Variants in PCDH15 observed in about 807,000 individuals in gnomAD.
PCDH15 encodes protocadherin-15.
In PCDH15, 129 loss-of-function variants were observed where a neutral mutation model predicts 178.5. That is an observed-to-expected ratio of 0.72 (90% CI 0.63 to 0.84). The LOEUF is 0.84. Ranked by LOEUF, PCDH15 falls within the 40% of genes least tolerant of loss-of-function variation. The pLI is 0.00. For missense variants in PCDH15, 2,230 were observed against 2,099.9 expected (o/e 1.06, Z -1.21); for synonymous variants, 800 against 732.0 (o/e 1.09, Z -1.50).
chr10:55,056,917 A>C (rs1841321795), intron 2 of PCDH15, among the ~76,000 whole-genome samples: 1 of 152,112 alleles, frequency 6.6e-6, no homozygotes. Flanking sequence ...TACAGGCATG[A>C]GCCACCCCGC....
intron 2 of PCDH15, among the ~76,000 whole-genome samples, chr10:55,445,220 G>T (rs1489682341): frequency 1.3e-5 from 2 of 152,136 alleles, no homozygotes; most frequent in African/African-American, 4.8e-5. Context: ...TAATGAGGCA[G>T]AAACGTCTGT....
chr10:54,541,904 A>C (rs902478017), intron 2 of PCDH15, among the ~76,000 whole-genome samples: 7 of 152,202 alleles, frequency 4.6e-5, no homozygotes, highest in African/African-American at 1.7e-4. Flanking sequence ...CAACAGAGAG[A>C]TTCTTAATAA....
At chr10:55,041,941 T>C (rs1262562351) in intron 2 of PCDH15, among the ~76,000 whole-genome samples, 4 of 152,146 alleles carry the variant, frequency 2.6e-5, no homozygotes, top group Non-Finnish European at 5.9e-5. Flanking sequence ...GACTGTCTCA[T>C]TTAACTGAAC....
At chr10:55,236,488 A>C (rs1343284065) in intron 1 of PCDH15, among the ~76,000 whole-genome samples, 1 of 152,096 alleles carries the variant, frequency 6.6e-6, no homozygotes, top group Non-Finnish European at 1.5e-5. Flanking sequence ...GGAAGTGTGC[A>C]TTTAATGAGA....
chr10:54,270,094 A>C (rs2057951775), intron 8 of PCDH15, among the ~76,000 whole-genome samples: 1 of 152,028 alleles, frequency 6.6e-6, no homozygotes, highest in Non-Finnish European at 1.5e-5. Flanking sequence ...GTAGTCATTT[A>C]TCTTTTGTTT....
intron 8 of PCDH15, among the ~76,000 whole-genome samples, chr10:54,277,370 C>T (rs75025034): frequency 0.01 from 1,582 of 151,494 alleles, 26 homozygotes; most frequent in African/African-American, 0.036. Flanking sequence ...ATACATCTTC[C>T]GCAGTGACAG....
At chr10:53,897,562 C>A (rs1025601451) in intron 26 of PCDH15, among the ~76,000 whole-genome samples, 1 of 150,868 alleles carries the variant, frequency 6.6e-6, no homozygotes, top group African/African-American at 2.4e-5. Flanking sequence ...ATTTCAACCA[C>A]TTTTCAGTGT....
intron 21 of PCDH15, among the ~76,000 whole-genome samples, chr10:53,981,975 A>G: frequency 6.6e-6 from 1 of 152,146 alleles, no homozygotes; most frequent in Non-Finnish European, 1.5e-5. Flanking sequence ...ATTTACAAGA[A>G]AAAAACAAAC....
At chr10:54,573,374 C>A (rs1382283997) in intron 2 of PCDH15, among the ~76,000 whole-genome samples, 1 of 152,138 alleles carries the variant, frequency 6.6e-6, no homozygotes, top group Non-Finnish European at 1.5e-5. Context: ...AATTTTATCT[C>A]TCCTCTACCA....
chr10:54,584,756 G>C (rs149773303), intron 2 of PCDH15, among the ~76,000 whole-genome samples: 10 of 152,162 alleles, frequency 6.6e-5, no homozygotes, highest in Middle Eastern at 3.4e-3. Flanking sequence ...ACTGTGCTGA[G>C]TTCTTGGCTG....
intron 3 of PCDH15, among the ~76,000 whole-genome samples, chr10:54,820,813 AC>A (rs1953024962): frequency 6.6e-6 from 1 of 152,080 alleles, no homozygotes; most frequent in Admixed American, 6.6e-5. Flanking sequence ...TCTTCCAGCC[AC>A]CACCATTAAT....
intron 13 of PCDH15, among the ~76,000 whole-genome samples, chr10:54,160,267 T>G (rs1480432533): frequency 6.6e-6 from 1 of 152,196 alleles, no homozygotes; most frequent in Non-Finnish European, 1.5e-5. Flanking sequence ...ACTTTGGAAT[T>G]GTTGATTTCT....
chr10:54,137,267 G>C (rs1378677416), intron 14 of PCDH15, among the ~76,000 whole-genome samples: 1 of 151,912 alleles, frequency 6.6e-6, no homozygotes, highest in Admixed American at 6.6e-5. Context: ...TTTTATTTTT[G>C]TAATATAGCC....
chr10:54,007,100 C>G (rs1295802277), intron 20 of PCDH15, among the ~76,000 whole-genome samples: 1 of 152,158 alleles, frequency 6.6e-6, no homozygotes, highest in Non-Finnish European at 1.5e-5. Context: ...TTCAGCTTTT[C>G]AGATTCATAT....
chr10:54,465,272 C>A (rs2077442647), intron 3 of PCDH15, among the ~76,000 whole-genome samples: 1 of 152,022 alleles, frequency 6.6e-6, no homozygotes, highest in African/African-American at 2.4e-5. Flanking sequence ...CAAATACTCT[C>A]TTGTGTCTAT....
At chr10:54,861,694 C>CAG (rs1261964007) in intron 3 of PCDH15, among the ~76,000 whole-genome samples, 1 of 152,120 alleles carries the variant, frequency 6.6e-6, no homozygotes, top group Non-Finnish European at 1.5e-5. Flanking sequence ...AAGTGCAAGC[C>CAG]AGAGCATTCA....
intron 18 of PCDH15, among the ~76,000 whole-genome samples, chr10:54,064,299 G>T (rs989434074): frequency 6.6e-6 from 1 of 152,178 alleles, no homozygotes; most frequent in East Asian, 1.9e-4. Flanking sequence ...AGGCTGGCTG[G>T]CTCCAGGGTT....
At chr10:55,484,041 A>G (rs1840244081) in intron 2 of PCDH15, among the ~76,000 whole-genome samples, 1 of 151,786 alleles carries the variant, frequency 6.6e-6, no homozygotes, top group Non-Finnish European at 1.5e-5. Context: ...TTAGCAAACT[A>G]ACACAGGAAC....
chr10:55,405,583 G>T (rs775436589), intron 2 of PCDH15, among the ~76,000 whole-genome samples: 1 of 151,526 alleles, frequency 6.6e-6, no homozygotes. Flanking sequence ...ATTACAAAAG[G>T]TGTTTTAACA....
Sources: allele counts gnomAD v4.1 joint callset (sites outside exome capture counted in the v4.1 genomes callset), GRCh38; gene constraint gnomAD v4.1.1; transcripts MANE v1.5; gene names NCBI Gene and HGNC (gene_info 2026-07-23, HGNC 2026-07-21).